The following MACROD2 variants were observed in gnomAD, a reference collection of about 807,000 sequenced individuals.
MACROD2 encodes the protein mono-ADP ribosylhydrolase 2.
A neutral mutation model predicts 70.4 loss-of-function variants in MACROD2; 36 were observed. The ratio of observed to expected loss-of-function variants is 0.51; its 90% CI spans 0.39 to 0.68. MACROD2 has a LOEUF of 0.68. MACROD2 is among the 30% of genes least tolerant of loss of function. MACROD2 has a pLI of 0.00. For missense variants in MACROD2, 496 were observed against 538.4 expected, an observed-to-expected ratio of 0.92 and a Z score of 0.78; for synonymous variants, 172 against 178.8, an observed-to-expected ratio of 0.96 and a Z score of 0.30.
At chr20:15,879,633 A>G (rs905681505) in intron 9 of MACROD2, among the ~76,000 whole-genome samples, 2 of 152,116 alleles carry the variant, frequency 1.3e-5, no homozygotes, top group African/African-American at 2.4e-5. Context: ...TCACTCTACA[A>G]TTTTTCAAAA....
Position 15,018,594 on chromosome 20 carries a change from G to GAT in MACROD2, c.419-211336_419-211335dup, listed in dbSNP as rs199733618. Among the ~76,000 whole-genome samples the GAT allele has an allele frequency of 1.7e-3, 257 of 149,118 alleles. 2 individuals carry two copies. The highest frequency in any genetic ancestry group is 5.2e-3 in the East Asian group (27 of 5,162). ...TCTCTTAGAGGGACAGAATTAATAGGATATATATATAGAGAGACAGAGAGA... is the reference window on the plus strand; with the variant it reads ...TCTCTTAGAGGGACAGAATTAATAGGATATATATATATAGAGAGACAGAGAGA... On this transcript the variant is annotated intron_variant, in intron 5 of 17. Coordinates refer to ENST00000684519, the MANE Select transcript of MACROD2 (RefSeq NM_001351661.2).
intron 3 of MACROD2, among the ~76,000 whole-genome samples, chr20:14,206,180 A>G (rs1325699508): frequency 6.6e-6 from 1 of 152,196 alleles, no homozygotes; most frequent in Non-Finnish European, 1.5e-5. Flanking sequence ...AATACATAGG[A>G]TGGCCCCTCA....
chr20:14,965,704 G>A (rs868647971), intron 5 of MACROD2, among the ~76,000 whole-genome samples: 6 of 150,984 alleles, frequency 4.0e-5, no homozygotes, highest in African/African-American at 1.5e-4. Context: ...TCCTGACCTC[G>A]TGATCCACCC....
intron 5 of MACROD2, among the ~76,000 whole-genome samples, chr20:14,759,742 C>T (rs560123328): frequency 4.6e-5 from 7 of 152,116 alleles, no homozygotes; most frequent in African/African-American, 9.6e-5. Context: ...GACGTAGATA[C>T]GCAGGTTCTT....
At position 15,662,786 on chromosome 20, in the gene MACROD2, C is replaced by T. The variant is rs575671289; in HGVS notation, c.645+162939C>T. Among the ~76,000 whole-genome samples, 30 of 150,310 alleles carry T rather than the reference C, an allele frequency of 2.0e-4. No homozygotes were observed. The South Asian group carries it at 6.3e-3, about 32-fold the overall frequency. On this transcript the variant is annotated intron_variant, in intron 8 of 17. Transcript: ENST00000684519. ...TTGTTTTAAGTTTTGAATTAGTGGC[C>T]AATATTTTCATATAAAAATATGAAA... is the stretch of plus-strand genomic sequence containing the variant.
At chr20:15,581,337 G>A (rs561227571) in intron 8 of MACROD2, among the ~76,000 whole-genome samples, 1 of 152,330 alleles carries the variant, frequency 6.6e-6, no homozygotes, top group East Asian at 1.9e-4. Flanking sequence ...CCCAAGCCCT[G>A]CTTCTTGCTG....
At chr20:14,150,382 A>G (rs1441220904) in intron 3 of MACROD2, among the ~76,000 whole-genome samples, 3 of 152,214 alleles carry the variant, frequency 2.0e-5, no homozygotes, top group South Asian at 2.1e-4. Context: ...AAGCCAAGCT[A>G]TGACTTAAAA....
intron 5 of MACROD2, among the ~76,000 whole-genome samples, chr20:14,954,603 T>C (rs1361648459): frequency 7.6e-6 from 1 of 131,684 alleles, no homozygotes; most frequent in Non-Finnish European, 1.6e-5. Context: ...ATAATAATTA[T>C]ATAGTTATTA....
At chr20:14,984,486 T>G (rs1378264521) in intron 5 of MACROD2, among the ~76,000 whole-genome samples, 1 of 152,216 alleles carries the variant, frequency 6.6e-6, no homozygotes, top group Non-Finnish European at 1.5e-5. Context: ...TCTTTTTTCC[T>G]TTCCTTTTAT....
At chr20:13,996,674 C>T (rs151051858) in intron 1 of MACROD2, among the ~76,000 whole-genome samples, 22 of 152,274 alleles carry the variant, frequency 1.4e-4, no homozygotes, top group Middle Eastern at 3.4e-3. Context: ...TCCCGCTTAT[C>T]CCATCACAGT....
chr20:14,059,384 A>T (rs960134578), intron 2 of MACROD2, among the ~76,000 whole-genome samples: 3 of 152,194 alleles, frequency 2.0e-5, no homozygotes, highest in Non-Finnish European at 4.4e-5. Context: ...ATAAGAATAT[A>T]AGTGAAAAAG....
At chr20:14,862,958 G>T (rs1243755016) in intron 5 of MACROD2, among the ~76,000 whole-genome samples, 3 of 151,498 alleles carry the variant, frequency 2.0e-5, no homozygotes, top group Non-Finnish European at 2.9e-5. Context: ...GGATGCCACG[G>T]CTTCCTCCTT....
intron 14 of MACROD2, 64 bp downstream of exon 14, chr20:15,986,865 A>G: frequency 1.5e-6 from 2 of 1,309,008 alleles, no homozygotes; most frequent in South Asian, 1.2e-5. Flanking sequence ...TGACTTCTAT[A>G]TATACCTGTG....
chr20:15,811,795 A>C (rs1600930853), intron 8 of MACROD2, among the ~76,000 whole-genome samples: 1 of 152,182 alleles, frequency 6.6e-6, no homozygotes, highest in Non-Finnish European at 1.5e-5. Context: ...AGTTTTCTGA[A>C]GGATATAGTA....
At chr20:14,481,455 A>G (rs2084662463) in intron 3 of MACROD2, among the ~76,000 whole-genome samples, 1 of 152,134 alleles carries the variant, frequency 6.6e-6, no homozygotes, top group Non-Finnish European at 1.5e-5. Flanking sequence ...TAATGTTAGT[A>G]AATAATATGG....
At chr20:15,497,005 C>T (rs773327944) in intron 7 of MACROD2, among the ~76,000 whole-genome samples, 12 of 151,898 alleles carry the variant, frequency 7.9e-5, no homozygotes, top group Admixed American at 3.9e-4. Context: ...AAGGAAGGGG[C>T]GGTGGAAAAT....
chr20:14,493,259 G>A (rs1285916057), intron 3 of MACROD2, among the ~76,000 whole-genome samples: 1 of 151,736 alleles, frequency 6.6e-6, no homozygotes, highest in East Asian at 1.9e-4. Context: ...TATAAAAATA[G>A]CCATTTGAAG....
chr20:15,169,920 G>A (rs1270870881), intron 5 of MACROD2, among the ~76,000 whole-genome samples: 1 of 152,064 alleles, frequency 6.6e-6, no homozygotes, highest in Non-Finnish European at 1.5e-5. Flanking sequence ...TTTTACTTAG[G>A]TTAGTTATAT....
chr20:15,396,296 C>G (rs1456799887), intron 6 of MACROD2, among the ~76,000 whole-genome samples: 1 of 152,156 alleles, frequency 6.6e-6, no homozygotes, highest in Non-Finnish European at 1.5e-5. Flanking sequence ...CTTTGAGCTC[C>G]CTAGTAGCTC....
Sources: allele counts gnomAD v4.1 joint callset (sites outside exome capture counted in the v4.1 genomes callset), GRCh38; gene constraint gnomAD v4.1.1; transcripts MANE v1.5; gene names NCBI Gene and HGNC (gene_info 2026-07-23, HGNC 2026-07-21).